Variants in KIR3DL1 observed in about 807,000 individuals in gnomAD.
KIR3DL1 encodes killer cell immunoglobulin-like receptor 3DL1.
In KIR3DL1, 50 loss-of-function variants were observed where a neutral mutation model predicts 40.3. That is an observed-to-expected ratio of 1.24 (90% CI 0.99 to 1.57). The LOEUF (loss-of-function observed/expected upper bound fraction) is 1.57. KIR3DL1 is among the 40% of genes most tolerant of loss of function. The pLI, the probability that KIR3DL1 is intolerant of heterozygous loss-of-function variation, is 0.00. For missense variants in KIR3DL1, 661 were observed against 559.9 expected, an observed-to-expected ratio of 1.18 and a Z score of -1.82; for synonymous variants, 257 against 207.2, an observed-to-expected ratio of 1.24 and a Z score of -2.07.
chr19:54,824,685 C>CAA (rs1162667016), intron 5 of KIR3DL1, among the ~76,000 whole-genome samples: 3 of 101,604 alleles, frequency 3.0e-5, no homozygotes, highest in Non-Finnish European at 6.5e-5. Context: ...CACACACACA[C>CAA]AAAAAAAGCC....
At chr19:54,816,611 A>T in intron 1 of KIR3DL1, 77 bp downstream of exon 1, 1 of 1,569,358 alleles carries the variant, frequency 6.4e-7, no homozygotes, top group African/African-American at 1.5e-5. Flanking sequence ...ATGGGCCTAG[A>T]GGTGGAGTTA....
intron 5 of KIR3DL1, among the ~76,000 whole-genome samples, chr19:54,823,830 T>C (rs1375499263): frequency 6.6e-6 from 1 of 151,668 alleles, no homozygotes; most frequent in Admixed American, 6.6e-5. Context: ...ATCGCGATTG[T>C]AATTTACATT....
chr19:54,822,002 A>C (rs2061665126), intron 5 of KIR3DL1, 144 bp downstream of exon 5: 1 of 1,016,916 alleles, frequency 9.8e-7, no homozygotes, highest in South Asian at 1.4e-5. Context: ...GCAGGATGGC[A>C]GACAGGGCAC....
chr19:54,820,170 G>C (rs145603333), intron 4 of KIR3DL1, among the ~76,000 whole-genome samples, 158 bp downstream of exon 4: 20,935 of 151,234 alleles, frequency 0.14, 1,950 homozygotes, highest in Middle Eastern at 0.19. Flanking sequence ...AGAGAAACAG[G>C]AGACATAAGT....
intron 5 of KIR3DL1, among the ~76,000 whole-genome samples, chr19:54,824,683 C>A (rs1297866600): frequency 5.7e-5 from 8 of 141,386 alleles, no homozygotes; most frequent in African/African-American, 1.0e-4. Context: ...CACACACACA[C>A]ACAAAAAAAG....
intron 6 of KIR3DL1, among the ~76,000 whole-genome samples, chr19:54,827,268 G>A (rs371002749): frequency 1.3e-5 from 2 of 151,236 alleles, no homozygotes; most frequent in South Asian, 2.1e-4. Context: ...GATATATGAG[G>A]GGTGGTGGAA....
intron 5 of KIR3DL1, among the ~76,000 whole-genome samples, 153 bp downstream of exon 5, chr19:54,822,011 A>G (rs2061665325): frequency 6.6e-6 from 1 of 151,140 alleles, no homozygotes; most frequent in Non-Finnish European, 1.5e-5. Flanking sequence ...CAGACAGGGC[A>G]CCTCCAAACC....
At chr19:54,830,353 T>A in exon 9 of KIR3DL1, 2 of 1,403,070 alleles carry the variant, frequency 1.4e-6, no homozygotes, top group Non-Finnish European at 2.0e-6. Flanking sequence ...AGCTCCCATG[T>A]ACCAGCAGCT....
At chr19:54,826,406 C>G (rs1346966480) in intron 6 of KIR3DL1, among the ~76,000 whole-genome samples, 3 of 148,730 alleles carry the variant, frequency 2.0e-5, no homozygotes. Flanking sequence ...CCTGCGTCTC[C>G]TGGATCCAAG....
At chr19:54,820,327 A>G (rs2061571936) in intron 4 of KIR3DL1, among the ~76,000 whole-genome samples, 1 of 151,548 alleles carries the variant, frequency 6.6e-6, no homozygotes, top group Admixed American at 6.6e-5. Context: ...GAGACCTGGC[A>G]CAGGTTAGAA....
intron 4 of KIR3DL1, among the ~76,000 whole-genome samples, chr19:54,821,054 A>G (rs1182651682): frequency 6.6e-6 from 1 of 150,458 alleles, no homozygotes; most frequent in Non-Finnish European, 1.5e-5. Context: ...ATGATACATA[A>G]ATAGAGACAG....
intron 7 of KIR3DL1, 91 bp from the exon 8 acceptor site, chr19:54,829,837 T>C: frequency 7.9e-7 from 1 of 1,272,572 alleles, no homozygotes; most frequent in Non-Finnish European, 1.1e-6. Flanking sequence ...CTCAGGCACC[T>C]ATGGCCTCCC....
chr19:54,825,468 T>C lies in KIR3DL1; in HGVS notation c.1000+390T>C, dbSNP rs1179461111. Among the ~76,000 whole-genome samples the C allele has an allele frequency of 8.4e-4, 120 of 143,478 alleles. 1 individual carries two copies. The highest frequency in any genetic ancestry group is 2.7e-3 in the African/African-American group (99 of 37,014). The allele number at this position is 143,478 out of a possible 152,430, so 94.1% of individuals were successfully genotyped here. A position where few individuals can be genotyped will look rare whatever the true frequency, so the allele number is the denominator to read the frequency against. Reference sequence around the variant, plus strand: ...GAAGTTCCACTTGCCAAGGAATGAATTACTGTTGGTCATGAAGCAACCCTG... The same window carrying C: ...GAAGTTCCACTTGCCAAGGAATGAACTACTGTTGGTCATGAAGCAACCCTG... On this transcript the variant is annotated intron_variant, in intron 6 of 8. Transcript: ENST00000391728.
chr19:54,819,630 G>A, intron 3 of KIR3DL1, 83 bp from the exon 4 acceptor site: 3 of 1,474,360 alleles, frequency 2.0e-6, no homozygotes, highest in Non-Finnish European at 2.8e-6. Flanking sequence ...CAGACACGGG[G>A]AGGGGAACCC....
chr19:54,822,922 G>A (rs2148129530), intron 5 of KIR3DL1, among the ~76,000 whole-genome samples: 1 of 147,262 alleles, frequency 6.8e-6, no homozygotes, highest in Middle Eastern at 3.4e-3. Context: ...TGGCTACTGT[G>A]AACAGTGCTG....
Position 54,830,628 on chromosome 19 carries a change from T to G in KIR3DL1, c.*353T>G, listed in dbSNP as rs1337438291. 3 of 288,594 alleles carry G rather than the reference T, an allele frequency of 1.0e-5. 1 individual carries two copies. The highest frequency in any genetic ancestry group is 6.9e-5 in the African/African-American group (3 of 43,324). The allele number at this position is 288,594 out of a possible 1,614,324, so 17.9% of individuals were successfully genotyped here. A position where few individuals can be genotyped will look rare whatever the true frequency, so the allele number is the denominator to read the frequency against. On this transcript the variant is annotated 3_prime_UTR_variant, in exon 9 of 9. Coordinates refer to ENST00000391728, the Ensembl canonical transcript of KIR3DL1. ...ACATACAAGAGGCTCCCTCTTGACG[T>G]GGCACTTACCCACGTGCTGTTCCAC... is the stretch of plus-strand genomic sequence containing the variant.
At chr19:54,829,461 A>G (rs1408737620) in exon 7 of KIR3DL1, 1 of 1,482,786 alleles carries the variant, frequency 6.7e-7, no homozygotes. Flanking sequence ...GCTCCAACAA[A>G]AAAAGTAAGT....
intron 3 of KIR3DL1, among the ~76,000 whole-genome samples, chr19:54,818,839 G>T (rs1601319407): frequency 6.6e-6 from 1 of 150,798 alleles, no homozygotes; most frequent in South Asian, 2.1e-4. Flanking sequence ...GAAGGGGAAG[G>T]TGGAGCTCAG....
chr19:54,825,055 C>T lies in KIR3DL1; in HGVS notation c.977C>T (p.Pro326Leu), dbSNP rs2061812933. 7.2e-6 allele frequency: 11 copies of T among 1,527,248 alleles called. 1 individual carries two copies. The highest frequency in any genetic ancestry group is 1.0e-5 in the Non-Finnish European group (11 of 1,105,074). The allele number at this position is 1,527,248 out of a possible 1,614,324, so 94.6% of individuals were successfully genotyped here. ...AACCCTTCAAGTAGTTGGCCTTCAC[C>T]CACAGAACCAAGCTCCAAATCTGGT... Residue 326 changes from proline (P) to leucine (L), a missense_variant, in exon 6 of 9, where the codon CCC (proline) becomes CTC (leucine). Physicochemically the swap from Pro to Leu is moderately conservative, Grantham distance 98. Transcript: ENST00000391728.
Sources: allele counts gnomAD v4.1 joint callset (sites outside exome capture counted in the v4.1 genomes callset), GRCh38; gene constraint gnomAD v4.1.1; transcripts MANE v1.5; gene names NCBI Gene and HGNC (gene_info 2026-07-23, HGNC 2026-07-21).